The following FSIP2 variants were observed in gnomAD, a reference collection of about 807,000 sequenced individuals.
The protein encoded by FSIP2 is fibrous sheath interacting protein 2, also known as fibrous sheath-interacting protein 2.
FSIP2 carries 367 observed loss-of-function variants against 510.5 expected under a neutral mutation model. The observed-to-expected ratio is 0.72, with a 90% CI of 0.66 to 0.78. The LOEUF (loss-of-function observed/expected upper bound fraction) is 0.78. FSIP2 is among the 30% of genes least tolerant of loss of function. The pLI, the probability that FSIP2 is intolerant of heterozygous loss-of-function variation, is 0.00. For missense variants in FSIP2, 7,594 were observed against 7,901.7 expected (o/e 0.96, Z 1.48); for synonymous variants, 2,601 against 2,732.2 (o/e 0.95, Z 1.50).
At chr2:185,825,196 C>A (rs1559041324) in intron 20 of FSIP2, among the ~76,000 whole-genome samples, 1 of 151,912 alleles carries the variant, frequency 6.6e-6, no homozygotes, top group East Asian at 1.9e-4. Context: ...CATAAAATAG[C>A]ATTAAGTATG....
chr2:185,803,309 A>C lies in FSIP2; in HGVS notation c.14003A>C (p.Glu4668Ala). Residue 4668 changes from glutamate (E) to alanine (A), a missense_variant, in exon 17 of 23, where the codon GAA becomes GCA. Glu to Ala is a moderately radical substitution (Grantham distance 107, BLOSUM62 -1). Coordinates refer to ENST00000424728, the MANE Select transcript of FSIP2 (RefSeq NM_173651.4). ...AEELIHLITGEFSKAQVSIID... is the reference protein window; with the variant it reads ...AEELIHLITGAFSKAQVSIID... ...GAACTCATACATTTGATTACAGGGG[A>C]ATTCTCAAAAGCCCAAGTTAGCATT... is the stretch of plus-strand genomic sequence containing the variant. 6.5e-7 allele frequency: 1 copy of C among 1,528,286 alleles called. No homozygotes were observed. 94.7% of individuals were successfully genotyped at this position (1,528,286 alleles called of 1,614,324 possible).
In FSIP2 at chr2:185,790,839, T is replaced by C; in HGVS notation, c.3703T>C (p.Leu1235=). Residue 1235 remains leucine, a synonymous_variant, in exon 16 of 23, where the codon TTA becomes CTA. Transcript: ENST00000424728. ...DSEKKMKYLS[L]FDVDPEKPPW... ...TGAAAAGAAAATGAAATATTTATCT[T>C]TATTTGACGTTGATCCTGAAAAGCC... 6.5e-7 allele frequency: 1 copy of C among 1,533,082 alleles called. No individual in the cohort carries two copies. Among genetic ancestry groups the C allele is most frequent in the Non-Finnish European group, 8.7e-7 (1 of 1,145,002 alleles). The allele number at this position is 1,533,082 out of a possible 1,614,324, so 95.0% of individuals were successfully genotyped here. A position where few individuals can be genotyped will look rare whatever the true frequency, so the allele number is the denominator to read the frequency against.
intron 9 of FSIP2, among the ~76,000 whole-genome samples, chr2:185,759,027 C>T (rs1341515346): frequency 6.6e-6 from 1 of 151,076 alleles, no homozygotes; most frequent in Non-Finnish European, 1.5e-5. Flanking sequence ...TTGGGATTCA[C>T]TTTTCATTTA....
chr2:185,822,293 A>C lies in FSIP2; in HGVS notation c.20427-2141A>C, dbSNP rs538870790. ...GTAGAAAAATTGTTGTTTATAGATGACATGGTCATAATGTAGAAACCCCTG... is the reference window on the plus strand; with the variant it reads ...GTAGAAAAATTGTTGTTTATAGATGCCATGGTCATAATGTAGAAACCCCTG... On this transcript the variant is annotated intron_variant, in intron 19 of 22. Transcript: ENST00000424728. 1.4e-3 allele frequency among the ~76,000 whole-genome samples: 217 copies of C among 152,090 alleles called. 1 individual carries two copies. The highest frequency in any genetic ancestry group is 4.8e-3 in the African/African-American group (200 of 41,544).
chr2:185,803,778 TAC>T lies in FSIP2; in HGVS notation c.14474_14475del (p.Thr4825SerfsTer7). 6.5e-7 allele frequency: 1 copy of T among 1,527,856 alleles called. No individual in the cohort carries two copies. The allele number at this position is 1,527,856 out of a possible 1,614,324, so 94.6% of individuals were successfully genotyped here. ...ATACTACTAAATCAGACTTAAGTAA[TAC>T]AGTGATAAAACTGATAAATGAAATT... ...SDTTKSDLSN[T>X]VIKLINEIMS... On this transcript the variant is annotated frameshift_variant, in exon 17 of 23. Transcript: ENST00000424728. LOFTEE classifies it high-confidence loss of function.
Position 185,811,507 on chromosome 2 carries a change from GAA to G in FSIP2, c.19828-2029_19828-2028del, listed in dbSNP as rs534321603. Among the ~76,000 whole-genome samples the G allele has an allele frequency of 4.5e-4, 65 of 143,826 alleles. 1 individual carries two copies. The South Asian group carries it at 0.014, about 31-fold the overall frequency. The allele number at this position is 143,826 out of a possible 152,430, so 94.4% of individuals were successfully genotyped here. On this transcript the variant is annotated intron_variant, in intron 17 of 22. Coordinates refer to ENST00000424728, the MANE Select transcript of FSIP2 (RefSeq NM_173651.4). Reference sequence around the variant, plus strand: ...AAAATCAACCTGGCCATGTGGCAAAGAAAAAAAAAAGGTTGTTTGTTTGTTTG... The same window carrying G: ...AAAATCAACCTGGCCATGTGGCAAAGAAAAAAAAGGTTGTTTGTTTGTTTG...
At chr2:185,773,374 A>G (rs1325263412) in intron 13 of FSIP2, among the ~76,000 whole-genome samples, 1 of 152,118 alleles carries the variant, frequency 6.6e-6, no homozygotes, top group Non-Finnish European at 1.5e-5. Flanking sequence ...TGTTATTCTA[A>G]TGAGGTTTTC....
In FSIP2 at chr2:185,801,906, TAATC is replaced by T. The variant is rs1183926627; in HGVS notation, c.12604_12607del (p.Gln4202IlefsTer33). ...ATAAAATCTGGTTCACTATATATGATAATCAATATCTATATACTGGAAAAAACCT... is the reference window on the plus strand; with the variant it reads ...ATAAAATCTGGTTCACTATATATGATAATATCTATATACTGGAAAAAACCT... On this transcript the variant is annotated frameshift_variant, in exon 17 of 23. Transcript: ENST00000424728. LOFTEE classifies it high-confidence loss of function. 1.7e-5 allele frequency: 26 copies of T among 1,494,012 alleles called. No individual in the cohort carries two copies. Among genetic ancestry groups the T allele is most frequent in the Middle Eastern group, 1.7e-4 (1 of 5,854 alleles). The allele number at this position is 1,494,012 out of a possible 1,614,324, so 92.5% of individuals were successfully genotyped here.
intron 20 of FSIP2, among the ~76,000 whole-genome samples, chr2:185,825,919 T>TG (rs1419402730): frequency 1.3e-5 from 2 of 151,820 alleles, no homozygotes; most frequent in Non-Finnish European, 2.9e-5. Flanking sequence ...AATGATGTTT[T>TG]GGTCAATGAT....
rs765188022 is a variant in FSIP2 at position 185,833,248 on chromosome 2, T to A, written c.*22T>A. 1.9e-6 allele frequency: 3 copies of A among 1,573,848 alleles called. No individual in the cohort carries two copies. The highest frequency in any genetic ancestry group is 2.6e-6 in the Non-Finnish European group (3 of 1,158,554). On this transcript the variant is annotated 3_prime_UTR_variant, in exon 23 of 23. Coordinates refer to ENST00000424728, the MANE Select transcript of FSIP2 (RefSeq NM_173651.4). ...CTGAAGCTTTTGTACCTGATATAAG[T>A]ATGCTTACTTCTTTTAGAAAATAAA...
At chr2:185,811,189 G>A (rs1397310387) in intron 17 of FSIP2, among the ~76,000 whole-genome samples, 4 of 152,026 alleles carry the variant, frequency 2.6e-5, no homozygotes, top group Non-Finnish European at 5.9e-5. Context: ...AAAATTAGCT[G>A]AGCATGGTGG....
intron 13 of FSIP2, among the ~76,000 whole-genome samples, chr2:185,775,211 GT>G (rs1340393988): frequency 6.8e-6 from 1 of 146,648 alleles, no homozygotes; most frequent in Non-Finnish European, 1.5e-5. Flanking sequence ...GTGTAAAAGC[GT>G]TCCTATTTCT....
chr2:185,797,233 C>T lies in FSIP2; in HGVS notation c.10097C>T (p.Ser3366Phe), dbSNP rs917017719. 4 of 1,534,746 alleles carry T rather than the reference C, an allele frequency of 2.6e-6. No individual in the cohort carries two copies. The highest frequency in any genetic ancestry group is 2.6e-6 in the Non-Finnish European group (3 of 1,146,192). Residue 3366 changes from serine to phenylalanine, a missense_variant, in exon 16 of 23, where the codon TCT becomes TTT. Physicochemically the swap from Ser to Phe is radical, Grantham distance 155. Transcript: ENST00000424728. ...CCATTTTTCATATCAAAACAAAGCT[C>T]TTTATCTGAAGTATCTGGAGGGCAA... is the stretch of plus-strand genomic sequence containing the variant. ...MKPFFISKQS[S>F]LSEVSGGQKD...
intron 13 of FSIP2, among the ~76,000 whole-genome samples, chr2:185,768,627 T>C (rs1444912851): frequency 6.6e-6 from 1 of 152,184 alleles, no homozygotes; most frequent in Non-Finnish European, 1.5e-5. Flanking sequence ...ATTTTCTTTA[T>C]TAAGAAAATC....
chr2:185,740,879 A>T (rs1240409262), intron 2 of FSIP2, among the ~76,000 whole-genome samples: 1 of 152,182 alleles, frequency 6.6e-6, no homozygotes, highest in Non-Finnish European at 1.5e-5. Flanking sequence ...TTAGGATTGC[A>T]TATGAATTTT....
chr2:185,762,809 C>A (rs16827102), intron 11 of FSIP2, among the ~76,000 whole-genome samples: 40,633 of 151,176 alleles, frequency 0.27, 6,152 homozygotes, highest in East Asian at 0.45. Flanking sequence ...AACAATCTTC[C>A]TAAATCACAG....
chr2:185,772,804 T>TCCTCC (rs58079530), intron 13 of FSIP2, among the ~76,000 whole-genome samples: 80,697 of 149,480 alleles, frequency 0.54, 22,050 homozygotes, highest in South Asian at 0.64. Context: ...GCTTTTCTTT[T>TCCTCC]CCTCCCCTCC....
Position 185,791,084 on chromosome 2 carries a change from C to T in FSIP2, c.3948C>T (p.Asn1316=). Residue 1316 remains asparagine (N), a synonymous_variant, in exon 16 of 23, where the codon AAC becomes AAT. Coordinates refer to ENST00000424728, the MANE Select transcript of FSIP2 (RefSeq NM_173651.4). ...IQNELELHKE[N]LNLREIDHTK... is the part of the protein sequence containing the mutation. The stretch of plus-strand genomic sequence containing the variant: ...ATGAACTGGAACTTCACAAGGAAAA[C>T]CTAAATCTTAGGGAGATTGACCATA... 1 of 1,531,448 alleles carries T rather than the reference C, an allele frequency of 6.5e-7. No homozygotes were observed. The highest frequency in any genetic ancestry group is 8.7e-7 in the Non-Finnish European group (1 of 1,144,564). The allele number at this position is 1,531,448 out of a possible 1,614,324, so 94.9% of individuals were successfully genotyped here. A position where few individuals can be genotyped will look rare whatever the true frequency, so the allele number is the denominator to read the frequency against.
intron 2 of FSIP2, 34 bp downstream of exon 2, chr2:185,739,505 C>A: frequency 7.0e-7 from 1 of 1,435,268 alleles, no homozygotes; most frequent in Non-Finnish European, 9.2e-7. Context: ...CTTTCCTTTA[C>A]CCTTTACTAC....
Sources: gnomAD v4.1 joint callset for allele counts (sites outside exome capture counted in the v4.1 genomes callset) on GRCh38, gnomAD v4.1.1 for gene constraint, MANE v1.5 for transcripts, NCBI Gene and HGNC (gene_info 2026-07-23, HGNC 2026-07-21) for gene names.